The following CLASP2 variants were observed in gnomAD, a reference collection of about 807,000 sequenced individuals.
CLASP2 encodes CLIP-associating protein 2.
In CLASP2, 47 loss-of-function variants were observed where a neutral mutation model predicts 194.4. The observed-to-expected ratio is 0.24, with a 90% CI of 0.19 to 0.31. The LOEUF is 0.31. CLASP2 is among the 10% of genes least tolerant of loss of function. The probability of loss-of-function intolerance (pLI) is 1.00; values close to 1 mark genes in which losing one functional copy is unlikely to be tolerated. For missense variants in CLASP2, 1,445 were observed against 1,823.6 expected, an observed-to-expected ratio of 0.79 and a Z score of 3.78; for synonymous variants, 619 against 633.5, an observed-to-expected ratio of 0.98 and a Z score of 0.34.
chr3:33,532,566 ATAT>A (rs1292864025), intron 34 of CLASP2, among the ~76,000 whole-genome samples: 1 of 152,210 alleles, frequency 6.6e-6, no homozygotes, highest in East Asian at 1.9e-4. Flanking sequence ...TGGAAAAAAG[ATAT>A]TATTGGGACA....
intron 1 of CLASP2, among the ~76,000 whole-genome samples, chr3:33,700,964 T>C (rs946128052): frequency 6.6e-6 from 1 of 152,216 alleles, no homozygotes; most frequent in East Asian, 1.9e-4. Flanking sequence ...TACTTAGATA[T>C]AATTCTAACA....
chr3:33,563,639 A>G (rs375444727), intron 27 of CLASP2, among the ~76,000 whole-genome samples: 1 of 152,188 alleles, frequency 6.6e-6, no homozygotes, highest in East Asian at 1.9e-4. Flanking sequence ...ACACCACATA[A>G]ACAAATAAGC....
chr3:33,716,825 T>C (rs1334767093), intron 1 of CLASP2, among the ~76,000 whole-genome samples: 1 of 152,236 alleles, frequency 6.6e-6, no homozygotes. Flanking sequence ...TGCGTCATAA[T>C]TCTAGAGTTT....
chr3:33,551,890 T>C (rs1258222493), intron 29 of CLASP2, among the ~76,000 whole-genome samples: 1 of 151,926 alleles, frequency 6.6e-6, no homozygotes, highest in African/African-American at 2.4e-5. Flanking sequence ...CAAAGTGCTT[T>C]GGAAATAAGG....
At chr3:33,661,384 C>T (rs193051735) in intron 7 of CLASP2, among the ~76,000 whole-genome samples, 57 of 152,182 alleles carry the variant, frequency 3.7e-4, no homozygotes, top group African/African-American at 1.3e-3. Context: ...TTCCTGGGGG[C>T]AAACATGGAA....
chr3:33,502,467 T>C (rs1036684425), intron 37 of CLASP2: 2 of 152,222 alleles, frequency 1.3e-5, no homozygotes, highest in Admixed American at 6.5e-5. Context: ...TCTTTTATAA[T>C]TGCTACTTTG....
chr3:33,532,897 A>T (rs183138615), intron 34 of CLASP2, among the ~76,000 whole-genome samples: 3 of 152,250 alleles, frequency 2.0e-5, no homozygotes, highest in Admixed American at 2.0e-4. Flanking sequence ...TATGCAGGAG[A>T]ATGTCTTTGT....
At position 33,689,884 on chromosome 3, in the gene CLASP2, C is replaced by A. The variant is rs367913700; in HGVS notation, c.323G>T (p.Arg108Leu). The change falls in exon 3 of 39, where the codon CGA (arginine) becomes CTA (leucine). Residue 108 changes from arginine (R) to leucine (L), a missense_variant. By Grantham distance (102) the Arg-to-Leu change is moderately radical (BLOSUM62 -2). Coordinates refer to ENST00000682230, the MANE Select transcript of CLASP2 (RefSeq NM_001365631.1). The stretch of plus-strand genomic sequence containing the variant: ...CAATATCAGAGTCTGAGCTTCATCT[C>A]GAACCTTGTCTTTGGCATCTCCCAT... ...DRMGDAKDKV[R>L]DEAQTLILKL... is the part of the protein sequence containing the mutation. The A allele has an allele frequency of 6.2e-7, 1 of 1,600,320 alleles. No homozygotes were observed. Among genetic ancestry groups the A allele is most frequent in the Non-Finnish European group, 8.5e-7 (1 of 1,173,810 alleles).
intron 15 of CLASP2, 88 bp from the exon 16 acceptor site, chr3:33,606,846 T>C (rs2073961929): frequency 1.1e-6 from 1 of 936,400 alleles, no homozygotes; most frequent in East Asian, 2.5e-5. Context: ...AGGATGAAGA[T>C]AAGCCCACTG....
chr3:33,564,968 G>A (rs2062433079), intron 27 of CLASP2, among the ~76,000 whole-genome samples: 1 of 151,958 alleles, frequency 6.6e-6, no homozygotes, highest in Non-Finnish European at 1.5e-5. Context: ...ACACACAGCT[G>A]ACCCTTGAAC....
In CLASP2 at chr3:33,555,366, ATTT is replaced by A. The variant is rs68163303; in HGVS notation, c.3009+3938_3009+3940del. Among the ~76,000 whole-genome samples the A allele has an allele frequency of 4.7e-4, 66 of 141,916 alleles. 2 individuals carry two copies. The East Asian group carries it at 6.1e-3, about 13-fold the overall frequency. 93.1% of individuals were successfully genotyped at this position (141,916 alleles called of 152,430 possible). ...AATTATGACAGCACATAATATTCTG[ATTT>A]TTTTTTTTTTTTTTGAGATAAGGTC... On this transcript the variant is annotated intron_variant, in intron 29 of 38. Coordinates refer to ENST00000682230, the MANE Select transcript of CLASP2 (RefSeq NM_001365631.1).
intron 21 of CLASP2, chr3:33,588,737 C>T (rs1249141617): frequency 2.8e-6 from 2 of 701,974 alleles, no homozygotes; most frequent in African/African-American, 1.7e-5. Context: ...TGATCCTGAA[C>T]AAGTGTAAAG....
intron 13 of CLASP2, 118 bp from the exon 14 acceptor site, chr3:33,608,744 CTTT>C (rs766687478): frequency 0.03 from 4,733 of 157,830 alleles, no homozygotes; most frequent in South Asian, 0.059. Context: ...TTTTAGATAT[CTTT>C]TTTTTTTTTT....
chr3:33,644,909 C>A lies in CLASP2; in HGVS notation c.716-6G>T. 1 of 1,584,426 alleles carries A rather than the reference C, an allele frequency of 6.3e-7. No homozygotes were observed. The highest frequency in any genetic ancestry group is 1.3e-5 in the African/African-American group (1 of 74,522). ...TTCATCATCGAAGCTTTTATCTGCACAAAGCATCAGAAAAATGTATTTAAG... is the reference window on the plus strand; with the variant it reads ...TTCATCATCGAAGCTTTTATCTGCAAAAAGCATCAGAAAAATGTATTTAAG... On this transcript the variant is annotated splice_region_variant and splice_polypyrimidine_tract_variant and intron_variant, in intron 7 of 38. Transcript: ENST00000682230.
At chr3:33,579,286 T>C (rs936472621) in intron 23 of CLASP2, among the ~76,000 whole-genome samples, 1 of 152,202 alleles carries the variant, frequency 6.6e-6, no homozygotes, top group African/African-American at 2.4e-5. Context: ...AAATGGAAGC[T>C]TTGAGATGAA....
Position 33,516,148 on chromosome 3 carries a change from T to G in CLASP2, c.3985A>C (p.Thr1329Pro). 2 of 1,599,630 alleles carry G rather than the reference T, an allele frequency of 1.3e-6. No homozygotes were observed. The highest frequency in any genetic ancestry group is 1.7e-6 in the Non-Finnish European group (2 of 1,174,986). The stretch of plus-strand genomic sequence containing the variant: ...ACCTTTAATGCCAAAGCCCTGATTG[T>G]AGGCTAAGAAGAAACATTTAAATGT... ...LLETLGDKEP[T>P]IRALALKVLR... The change falls in exon 36 of 39, where the codon ACA (threonine) becomes CCA (proline). Residue 1329 changes from threonine (T) to proline (P), a missense_variant. Physicochemically the swap from Thr to Pro is conservative, Grantham distance 38. Around this residue, in one of 4 missense-constraint regions of CLASP2, gnomAD observed 732 missense variants for 987.9 expected, o/e 0.74. Coordinates refer to ENST00000682230, the MANE Select transcript of CLASP2 (RefSeq NM_001365631.1).
At chr3:33,707,583 A>C (rs1201761788) in intron 1 of CLASP2, among the ~76,000 whole-genome samples, 8 of 152,284 alleles carry the variant, frequency 5.3e-5, no homozygotes, top group African/African-American at 9.6e-5. Context: ...CACACACACA[A>C]AAAAGAGACC....
At chr3:33,515,437 A>C (rs985310020) in intron 36 of CLASP2, among the ~76,000 whole-genome samples, 4 of 152,174 alleles carry the variant, frequency 2.6e-5, no homozygotes, top group Non-Finnish European at 5.9e-5. Flanking sequence ...TTTATCACTT[A>C]AAAATAACAA....
At chr3:33,646,935 T>C (rs2082370357) in intron 7 of CLASP2, among the ~76,000 whole-genome samples, 1 of 152,208 alleles carries the variant, frequency 6.6e-6, no homozygotes, top group African/African-American at 2.4e-5. Context: ...TTATATAAAA[T>C]GAATCATACA....
Sources: gnomAD v4.1 joint callset for allele counts (sites outside exome capture counted in the v4.1 genomes callset) on GRCh38, gnomAD v4.1.1 for gene constraint, gnomAD v4.1.1 regional missense constraint, MANE v1.5 for transcripts, NCBI Gene and HGNC (gene_info 2026-07-23, HGNC 2026-07-21) for gene names.